Variants in PAX9 observed in about 807,000 individuals in gnomAD.
The protein encoded by PAX9 is paired box protein Pax-9.
A neutral mutation model predicts 29.1 loss-of-function variants in PAX9; 6 were observed. That is an observed-to-expected ratio of 0.21 (90% CI 0.11 to 0.41). The LOEUF is 0.41. PAX9 is among the 10% of genes least tolerant of loss of function. PAX9 has a pLI of 1.00. For missense variants in PAX9, 443 were observed against 479.1 expected, an observed-to-expected ratio of 0.92 and a Z score of 0.70; for synonymous variants, 217 against 211.7, an observed-to-expected ratio of 1.03 and a Z score of -0.22.
chr14:36,666,591 A>C lies in PAX9; in HGVS notation c.761A>C (p.Lys254Thr), dbSNP rs1381996308. Residue 254 changes from lysine (K) to threonine (T), a missense_variant, in exon 3 of 4, where the codon AAG becomes ACG. Transcript: ENST00000361487. ...LEKGALEQEA[K>T]YGQAPNGLPA... ...AAGGGAGCCCTGGAGCAGGAAGCCA[A>C]GTACGGTCAGGTGAGGAGGCGAGGG... 1 of 1,567,836 alleles carries C rather than the reference A, an allele frequency of 6.4e-7. No individual in the cohort carries two copies. The highest frequency in any genetic ancestry group is 8.6e-7 in the Non-Finnish European group (1 of 1,156,128).
At position 36,678,759 on chromosome 14, in the gene PAX9, T is replaced by C. The variant is rs1257991683; in HGVS notation, c.*2307T>C. The stretch of plus-strand genomic sequence containing the variant: ...GCTATTTATAATTTTTTTCTGGTTC[T>C]TGTATTTTAAAAAATCTAATATTAA... On this transcript the variant is annotated 3_prime_UTR_variant, in exon 4 of 4. Coordinates refer to ENST00000361487, the MANE Select transcript of PAX9 (RefSeq NM_001372076.1). The C allele has an allele frequency of 4.5e-6, 5 of 1,110,950 alleles. No homozygotes were observed. In the East Asian group the frequency reaches 1.8e-4, roughly 40 times the overall value. The allele number at this position is 1,110,950 out of a possible 1,614,324, so 68.8% of individuals were successfully genotyped here. A position where few individuals can be genotyped will look rare whatever the true frequency, so the allele number is the denominator to read the frequency against.
intron 3 of PAX9, among the ~76,000 whole-genome samples, chr14:36,675,518 C>CA (rs1460510661): frequency 1.3e-5 from 2 of 152,192 alleles, no homozygotes; most frequent in African/African-American, 4.8e-5. Flanking sequence ...CAGGCATATG[C>CA]AGTTCTTTTA....
At chr14:36,670,718 T>A (rs1218941778) in intron 3 of PAX9, among the ~76,000 whole-genome samples, 2 of 152,052 alleles carry the variant, frequency 1.3e-5, no homozygotes, top group African/African-American at 4.8e-5. Flanking sequence ...AAATTAATGA[T>A]CATGTATCAG....
rs779059411 is a variant in PAX9 at position 36,666,492 on chromosome 14, A to C, written c.662A>C (p.Lys221Thr). 1.2e-6 allele frequency: 2 copies of C among 1,610,644 alleles called. No individual in the cohort carries two copies. The highest frequency in any genetic ancestry group is 3.3e-5 in the Admixed American group (2 of 59,750). The change falls in exon 3 of 4, where the codon AAG becomes ACG. Residue 221 changes from lysine (K) to threonine (T), a missense_variant. Transcript: ENST00000361487. ...VSDSSPYHSP[K>T]VEEWSSLGRN... The stretch of plus-strand genomic sequence containing the variant: ...GACAGCTCCCCCTACCACAGCCCCA[A>C]GGTGGAGGAGTGGAGCAGCCTGGGC...
chr14:36,674,244 T>C (rs1056416397), intron 3 of PAX9, among the ~76,000 whole-genome samples: 3 of 152,220 alleles, frequency 2.0e-5, no homozygotes, highest in African/African-American at 4.8e-5. Context: ...ATGAGAATCA[T>C]GTTCTAGGAG....
intron 3 of PAX9, among the ~76,000 whole-genome samples, chr14:36,675,471 C>A (rs1470351049): frequency 3.3e-5 from 5 of 152,226 alleles, no homozygotes; most frequent in African/African-American, 1.2e-4. Flanking sequence ...ATCACAGGAC[C>A]CAAAAACTTT....
chr14:36,658,089 TGCCGCTGCAGTTTCAGGGAA>T (rs1392008568), upstream of PAX9, among the ~76,000 whole-genome samples: 2 of 152,114 alleles, frequency 1.3e-5, no homozygotes, highest in Non-Finnish European at 2.9e-5. Flanking sequence ...GGCTGTCACT[TGCCGCTGCAGTTTCAGGGAA>T]ACTCAGCTGG....
chr14:36,659,238 C>T (rs766319273), upstream of PAX9, among the ~76,000 whole-genome samples: 2 of 152,200 alleles, frequency 1.3e-5, no homozygotes, highest in Non-Finnish European at 2.9e-5. Flanking sequence ...TCCAGCTGAC[C>T]CTTGTTCTTG....
chr14:36,676,826 C>G lies in PAX9; in HGVS notation c.*374C>G, dbSNP rs1881912890. 1 of 252,430 alleles carries G rather than the reference C, an allele frequency of 4.0e-6. No individual in the cohort carries two copies. The highest frequency in any genetic ancestry group is 5.5e-5 in the South Asian group (1 of 18,292). 15.6% of individuals were successfully genotyped at this position (252,430 alleles called of 1,614,324 possible). On this transcript the variant is annotated 3_prime_UTR_variant, in exon 4 of 4. Coordinates refer to ENST00000361487, the MANE Select transcript of PAX9 (RefSeq NM_001372076.1). ...TATATTTATTCTAAATCAACCTGAA[C>G]TTTTGAAATGTGCAATTGTTGAGAT...
chr14:36,672,170 A>G (rs1341726048), intron 3 of PAX9: 1 of 152,182 alleles, frequency 6.6e-6, no homozygotes, highest in African/African-American at 2.4e-5. Context: ...TTTCATTTGG[A>G]AAATTTGTTT....
In PAX9 at chr14:36,662,739, G is replaced by A. The variant is rs968802446; in HGVS notation, c.5-158G>A. The A allele has an allele frequency of 3.5e-6, 3 of 848,386 alleles. No homozygotes were observed. In the East Asian group the frequency reaches 7.8e-5, roughly 22 times the overall value. The allele number at this position is 848,386 out of a possible 1,614,324, so 52.6% of individuals were successfully genotyped here. On this transcript the variant is annotated intron_variant, in intron 1 of 3. Coordinates refer to ENST00000361487, the MANE Select transcript of PAX9 (RefSeq NM_001372076.1). ...GGACAGTGACGGTTTGGGGCCGTTC[G>A]GCTATGTTCAGGGACCATATGGTTT...
chr14:36,669,031 T>A (rs1881611915), intron 3 of PAX9, among the ~76,000 whole-genome samples: 1 of 152,202 alleles, frequency 6.6e-6, no homozygotes, highest in South Asian at 2.1e-4. Context: ...ATCTTCTGCA[T>A]TGCAATGTAT....
At position 36,677,953 on chromosome 14, in the gene PAX9, G is replaced by A. The variant is rs1168672341; in HGVS notation, c.*1501G>A. 1 of 152,908 alleles carries A rather than the reference G, an allele frequency of 6.5e-6. No homozygotes were observed. The highest frequency in any genetic ancestry group is 1.5e-5 in the Non-Finnish European group (1 of 68,530). 9.5% of individuals were successfully genotyped at this position (152,908 alleles called of 1,614,324 possible). ...ACAGTTTTTAATCCCTTCTGTTTAG[G>A]AAGTTCTTCCTGTTTGGCAATATAG... On this transcript the variant is annotated 3_prime_UTR_variant, in exon 4 of 4. Transcript: ENST00000361487.
intron 3 of PAX9, among the ~76,000 whole-genome samples, chr14:36,674,508 G>A (rs758018854): frequency 3.3e-5 from 5 of 152,162 alleles, no homozygotes; most frequent in African/African-American, 7.2e-5. Flanking sequence ...AGTTATGTGC[G>A]GTAGTTTCTT....
chr14:36,662,859 G>A, intron 1 of PAX9, 38 bp from the exon 2 acceptor site: 2 of 1,587,618 alleles, frequency 1.3e-6, no homozygotes, highest in Non-Finnish European at 1.7e-6. Context: ...CCCAAGCAGC[G>A]GGTGCGCGTC....
At chr14:36,671,893 T>C (rs1254300311) in intron 3 of PAX9, 2 of 152,172 alleles carry the variant, frequency 1.3e-5, no homozygotes, top group African/African-American at 4.8e-5. Flanking sequence ...CCTAAAAGTA[T>C]TAAAACAAAG....
At chr14:36,672,714 AG>A (rs5807897) in intron 3 of PAX9, among the ~76,000 whole-genome samples, 150,548 of 150,550 alleles carry the variant, frequency 1, 75,273 homozygotes, top group Middle Eastern at 1. Flanking sequence ...CCCCCAAGCT[AG>A]GGTCATAATT....
intron 3 of PAX9, among the ~76,000 whole-genome samples, chr14:36,674,923 T>C (rs536369436): frequency 2.0e-5 from 3 of 152,352 alleles, no homozygotes; most frequent in South Asian, 4.1e-4. Context: ...TTACTCTGCA[T>C]TGAGAAAATA....
Position 36,661,989 on chromosome 14 carries a change from C to A in PAX9, c.-101C>A. On this transcript the variant is annotated 5_prime_UTR_variant, in exon 1 of 4. Transcript: ENST00000361487. Reference sequence around the variant, plus strand: ...TCCTGGGAAGAAGCGGAGGCGCCGGCGGTCGGCCGGGATAGCAACAGGCCG... The same window carrying A: ...TCCTGGGAAGAAGCGGAGGCGCCGGAGGTCGGCCGGGATAGCAACAGGCCG... 6.8e-7 allele frequency: 1 copy of A among 1,460,336 alleles called. No individual in the cohort carries two copies. The highest frequency in any genetic ancestry group is 9.4e-7 in the Non-Finnish European group (1 of 1,065,526). The allele number at this position is 1,460,336 out of a possible 1,614,324, so 90.5% of individuals were successfully genotyped here.
Sources: gnomAD v4.1 joint callset for allele counts (sites outside exome capture counted in the v4.1 genomes callset) on GRCh38, gnomAD v4.1.1 for gene constraint, MANE v1.5 for transcripts, NCBI Gene and HGNC (gene_info 2026-07-23, HGNC 2026-07-21) for gene names.